ETV1: variants seen among roughly 807,000 people sequenced by gnomAD.
ETV1 encodes the protein ETS variant transcription factor 1.
In ETV1, 27 loss-of-function variants were observed where a neutral mutation model predicts 62.3. The ratio of observed to expected loss-of-function variants is 0.43; its 90% confidence interval spans 0.32 to 0.60. ETV1 has a LOEUF of 0.60. Ranked by LOEUF, ETV1 falls within the 20% of genes least tolerant of loss-of-function variation. ETV1 has a pLI of 0.06. For missense variants in ETV1, 605 were observed against 605.8 expected, an observed-to-expected ratio of 1.00 and a Z score of 0.01; for synonymous variants, 222 against 199.6, an observed-to-expected ratio of 1.11 and a Z score of -0.94.
intron 13 of ETV1, among the ~76,000 whole-genome samples, chr7:13,899,181 C>G (rs973401972): frequency 2.0e-5 from 3 of 152,000 alleles, no homozygotes; most frequent in African/African-American, 7.3e-5. Context: ...AATGTGCCCC[C>G]GCATTAGGAA....
At chr7:13,909,070 C>T (rs1313410837) in intron 11 of ETV1, among the ~76,000 whole-genome samples, 4 of 151,112 alleles carry the variant, frequency 2.6e-5, no homozygotes, top group Non-Finnish European at 2.9e-5. Context: ...AAAGGTAATG[C>T]TTTCCTAACT....
At chr7:13,965,136 G>A (rs536606895) in intron 6 of ETV1, among the ~76,000 whole-genome samples, 179 of 152,210 alleles carry the variant, frequency 1.2e-3, no homozygotes, top group Non-Finnish European at 2.1e-3. Flanking sequence ...ACATTCTGGG[G>A]CCAAAACCTG....
chr7:13,911,455 G>C (rs1054340065), intron 9 of ETV1, 148 bp from the exon 10 acceptor site: 63 of 594,964 alleles, frequency 1.1e-4, no homozygotes, highest in Admixed American at 2.1e-4. Context: ...ATTTCAGGCA[G>C]GGCCCACACA....
In ETV1 at chr7:13,970,154, G is replaced by A. The variant is rs931132237; in HGVS notation, c.235+7273C>T. 4.6e-5 allele frequency among the ~76,000 whole-genome samples: 7 copies of A among 151,832 alleles called. No individual in the cohort carries two copies. The East Asian group carries it at 5.9e-4, about 13-fold the overall frequency. On this transcript the variant is annotated intron_variant, in intron 6 of 13. Transcript: ENST00000430479. ...CGGGCGCCTGTGGTCCCAGCTAGCC[G>A]GGAGGCCGAGGCAGGAGAATGGCGT...
At chr7:13,912,318 G>A (rs1783643823) in intron 9 of ETV1, among the ~76,000 whole-genome samples, 1 of 152,112 alleles carries the variant, frequency 6.6e-6, no homozygotes, top group Admixed American at 6.5e-5. Flanking sequence ...TTATAAAAGT[G>A]TTTTAACATA....
intron 6 of ETV1, among the ~76,000 whole-genome samples, chr7:13,954,240 T>C (rs1304752193): frequency 2.0e-5 from 3 of 152,226 alleles, no homozygotes; most frequent in African/African-American, 7.2e-5. Flanking sequence ...AAGTAATCAG[T>C]GATGCAAATA....
intron 9 of ETV1, among the ~76,000 whole-genome samples, chr7:13,914,466 C>G (rs1025646225): frequency 6.6e-6 from 1 of 151,790 alleles, no homozygotes; most frequent in Non-Finnish European, 1.5e-5. Flanking sequence ...TTCAAAGCAA[C>G]AAAGCCCTGT....
At chr7:13,947,709 A>G (rs1386426717) in intron 6 of ETV1, among the ~76,000 whole-genome samples, 4 of 152,214 alleles carry the variant, frequency 2.6e-5, no homozygotes, top group African/African-American at 7.2e-5. Flanking sequence ...CCACTATCAC[A>G]TTATATGAGA....
At chr7:13,903,762 CAAAAAA>C (rs534972176) in intron 12 of ETV1, among the ~76,000 whole-genome samples, 4 of 93,170 alleles carry the variant, frequency 4.3e-5, no homozygotes, top group Non-Finnish European at 4.6e-5. Flanking sequence ...GATTCCATCT[CAAAAAA>C]AAAAAAAAAA....
At chr7:13,936,002 G>A in intron 7 of ETV1, 106 bp from the exon 8 acceptor site, 6 of 878,304 alleles carry the variant, frequency 6.8e-6, no homozygotes, top group South Asian at 5.6e-5. Context: ...TAAGTCAAAT[G>A]GAAATGAAAA....
At chr7:13,933,114 G>T (rs1786381726) in intron 8 of ETV1, among the ~76,000 whole-genome samples, 1 of 152,190 alleles carries the variant, frequency 6.6e-6, no homozygotes, top group Non-Finnish European at 1.5e-5. Context: ...AACTGTCAAG[G>T]AGTGAATCAG....
chr7:13,935,907 G>C lies in ETV1; in HGVS notation c.366-11C>G, dbSNP rs777504164. 4.4e-6 allele frequency: 7 copies of C among 1,587,180 alleles called. No individual in the cohort carries two copies. In the African/African-American group the frequency reaches 8.1e-5, roughly 18 times the overall value. On this transcript the variant is annotated splice_polypyrimidine_tract_variant and intron_variant, in intron 7 of 13. Transcript: ENST00000430479. ...TTCTGATCATAGGCACTACCCAGGG[G>C]ACAAAAGAAGAGAGAACATTTCTTT...
At chr7:13,980,351 A>G (rs937147414) in intron 5 of ETV1, among the ~76,000 whole-genome samples, 13 of 152,118 alleles carry the variant, frequency 8.5e-5, no homozygotes, top group Non-Finnish European at 1.8e-4. Context: ...TTTTTCTTCA[A>G]TTCAGGGGAA....
intron 10 of ETV1, chr7:13,910,510 A>G: frequency 1.7e-6 from 1 of 575,000 alleles, no homozygotes; most frequent in Non-Finnish European, 2.2e-6. Context: ...ACCATCTCAT[A>G]CTACCCTTTA....
intron 9 of ETV1, among the ~76,000 whole-genome samples, chr7:13,916,178 T>A (rs1412667502): frequency 6.6e-6 from 1 of 152,212 alleles, no homozygotes; most frequent in African/African-American, 2.4e-5. Context: ...TTTAGGGTTT[T>A]AAGTAAACTG....
chr7:13,900,696 T>G, intron 13 of ETV1, 42 bp downstream of exon 13: 1 of 1,335,020 alleles, frequency 7.5e-7, no homozygotes, highest in South Asian at 1.3e-5. Flanking sequence ...CAGATTAATG[T>G]GCAACATTTC....
At chr7:13,956,011 T>C (rs1343411092) in intron 6 of ETV1, among the ~76,000 whole-genome samples, 2 of 152,184 alleles carry the variant, frequency 1.3e-5, no homozygotes, top group Non-Finnish European at 2.9e-5. Flanking sequence ...ATCATAGATA[T>C]GCAGCTTGTT....
At chr7:13,970,736 G>C (rs975673119) in intron 6 of ETV1, among the ~76,000 whole-genome samples, 3 of 152,032 alleles carry the variant, frequency 2.0e-5, no homozygotes, top group African/African-American at 7.2e-5. Flanking sequence ...AAAGAAACAA[G>C]ATGTAGGAAG....
intron 9 of ETV1, among the ~76,000 whole-genome samples, chr7:13,919,389 A>T (rs1429933393): frequency 6.6e-6 from 1 of 152,100 alleles, no homozygotes; most frequent in Non-Finnish European, 1.5e-5. Context: ...TACTAAAAAA[A>T]AAAATTACCA....
Sources: allele counts gnomAD v4.1 joint callset (sites outside exome capture counted in the v4.1 genomes callset), GRCh38; gene constraint gnomAD v4.1.1; transcripts MANE v1.5; gene names NCBI Gene and HGNC (gene_info 2026-07-23, HGNC 2026-07-21).